NUP160: variants seen among roughly 807,000 people sequenced by gnomAD.
NUP160 encodes nuclear pore complex protein Nup160.
In NUP160, 94 loss-of-function variants were observed where a neutral mutation model predicts 196.9. The ratio of observed to expected loss-of-function variants is 0.48; its 90% CI spans 0.40 to 0.57. NUP160 has a LOEUF of 0.57. Among genes scored for constraint, NUP160 ranks in the 20% least tolerant of loss-of-function variants. NUP160 has a pLI of 0.00. For synonymous variants in NUP160, 605 were observed against 619.7 expected, an observed-to-expected ratio of 0.98 and a Z score of 0.35; for missense variants, 1,638 against 1,748.3, an observed-to-expected ratio of 0.94 and a Z score of 1.13.
chr11:47,782,728 G>A (rs987275057), intron 34 of NUP160, among the ~76,000 whole-genome samples: 79 of 151,800 alleles, frequency 5.2e-4, no homozygotes, highest in African/African-American at 1.7e-3. Context: ...GCATGATCTC[G>A]GCTCACTGCA....
At chr11:47,819,672 T>C (rs1170853460) in intron 9 of NUP160, among the ~76,000 whole-genome samples, 1 of 152,204 alleles carries the variant, frequency 6.6e-6, no homozygotes, top group African/African-American at 2.4e-5. Context: ...CATGTTTTAA[T>C]AATTATCTTC....
Position 47,785,075 on chromosome 11 carries a change from CA to C in NUP160, c.3849-13del. On this transcript the variant is annotated splice_polypyrimidine_tract_variant and intron_variant, in intron 32 of 35. Transcript: ENST00000378460. ...CTTCATCTGTAGCACTTGAAAAAAACAAAAATGACTAATGAGTTTCAGATTC... is the reference window on the plus strand; with the variant it reads ...CTTCATCTGTAGCACTTGAAAAAAACAAAATGACTAATGAGTTTCAGATTC... The C allele has an allele frequency of 2.0e-6, 3 of 1,489,864 alleles. No homozygotes were observed. The highest frequency in any genetic ancestry group is 1.3e-5 in the South Asian group (1 of 78,034). The allele number at this position is 1,489,864 out of a possible 1,614,324, so 92.3% of individuals were successfully genotyped here.
At chr11:47,790,937 C>T (rs1470462909) in intron 29 of NUP160, among the ~76,000 whole-genome samples, 1 of 152,144 alleles carries the variant, frequency 6.6e-6, no homozygotes, top group Non-Finnish European at 1.5e-5. Flanking sequence ...TTAAATTCTC[C>T]AGCTTTAGAT....
exon 28 of NUP160, chr11:47,792,872 C>T: frequency 1.2e-6 from 2 of 1,614,120 alleles, no homozygotes; most frequent in South Asian, 2.2e-5. Context: ...TAACAGTTGC[C>T]TTGTTTCTCA....
rs1297547685 is a variant in NUP160, at chr11:47,824,041, A to ATG, written c.1102-1878_1102-1877insCA. Among the ~76,000 whole-genome samples the ATG allele has an allele frequency of 2.0e-3, 257 of 128,358 alleles. 3 individuals are homozygous for ATG. Among genetic ancestry groups the ATG allele is most frequent in the African/African-American group, 7.0e-3 (239 of 34,228 alleles). The allele number at this position is 128,358 out of a possible 152,430, so 84.2% of individuals were successfully genotyped here. A position where few individuals can be genotyped will look rare whatever the true frequency, so the allele number is the denominator to read the frequency against. The stretch of plus-strand genomic sequence containing the variant: ...TATATATATATATATATATATATAT[A>ATG]TATATATATATACACACACACATAG... On this transcript the variant is annotated intron_variant, in intron 7 of 35. Coordinates refer to ENST00000378460, the Ensembl canonical transcript of NUP160.
chr11:47,779,059 T>C, exon 36 of NUP160: 1 of 1,388,060 alleles, frequency 7.2e-7, no homozygotes, highest in South Asian at 1.2e-5. Flanking sequence ...TAGTCTTAAG[T>C]CCTAAGAGGC....
At chr11:47,842,439 C>CA (rs1852324030) in intron 2 of NUP160, among the ~76,000 whole-genome samples, 1 of 152,136 alleles carries the variant, frequency 6.6e-6, no homozygotes. Flanking sequence ...AAGTTGGATC[C>CA]TGGATCTCCC....
At chr11:47,804,610 C>T in exon 21 of NUP160, 1 of 1,524,722 alleles carries the variant, frequency 6.6e-7, no homozygotes, top group Non-Finnish European at 8.7e-7. Context: ...ACCAGGATTG[C>T]TAGGCCATCT....
At chr11:47,813,099 T>C (rs1565198376) in intron 14 of NUP160, 52 bp from the exon 15 acceptor site, 1 of 1,262,806 alleles carries the variant, frequency 7.9e-7, no homozygotes. Flanking sequence ...GACAATCTAT[T>C]GATTGATATT....
At chr11:47,804,887 TGTACTTTGGAAGG>T (rs773111241) in intron 20 of NUP160, among the ~76,000 whole-genome samples, 1 of 152,086 alleles carries the variant, frequency 6.6e-6, no homozygotes, top group Non-Finnish European at 1.5e-5. Flanking sequence ...CTGCAATCCC[TGTACTTTGGAAGG>T]GTAAGGTGGG....
intron 18 of NUP160, among the ~76,000 whole-genome samples, chr11:47,808,101 G>A (rs990887990): frequency 6.6e-6 from 1 of 152,152 alleles, no homozygotes; most frequent in Non-Finnish European, 1.5e-5. Flanking sequence ...TGGCCAACAT[G>A]GTGAAACCCC....
At chr11:47,794,204 G>T (rs867318056) in intron 27 of NUP160, among the ~76,000 whole-genome samples, 1 of 152,194 alleles carries the variant, frequency 6.6e-6, no homozygotes, top group Admixed American at 6.5e-5. Context: ...ACTTAAAAAT[G>T]GTCAAGATAG....
chr11:47,840,495 A>C (rs1852274305), exon 3 of NUP160: 1 of 1,613,950 alleles, frequency 6.2e-7, no homozygotes, highest in African/African-American at 1.3e-5. Context: ...CAGGTAAAAC[A>C]CTGCAATTTT....
chr11:47,848,310 C>A, exon 1 of NUP160: 1 of 1,614,046 alleles, frequency 6.2e-7, no homozygotes. Flanking sequence ...GGGCTCCCGC[C>A]GCCGCCATCT....
intron 18 of NUP160, among the ~76,000 whole-genome samples, chr11:47,808,131 A>G (rs1427008335): frequency 3.3e-5 from 5 of 152,182 alleles, no homozygotes; most frequent in African/African-American, 1.2e-4. Context: ...AAAGTACAAA[A>G]TTAGCTGGGC....
chr11:47,829,806 C>T (rs1852039284), intron 7 of NUP160, among the ~76,000 whole-genome samples: 1 of 152,008 alleles, frequency 6.6e-6, no homozygotes, highest in Non-Finnish European at 1.5e-5. Flanking sequence ...AACATACGAA[C>T]GGGCAAAGAT....
rs1491520212 is a variant in NUP160, at chr11:47,806,788, T to TACACACAC, written c.2446+281_2446+282insGTGTGTGT. ...CATCAAAACAGAATGGGAAAGCAGC[T>TACACACAC]ATACACACACACACACACACACACA... On this transcript the variant is annotated intron_variant, in intron 19 of 35. Coordinates refer to ENST00000378460, the Ensembl canonical transcript of NUP160. 1.6e-4 allele frequency among the ~76,000 whole-genome samples: 17 copies of TACACACAC among 106,412 alleles called. 1 individual carries two copies. Among genetic ancestry groups the TACACACAC allele is most frequent in the East Asian group, 6.3e-4 (2 of 3,152 alleles). 69.8% of individuals were successfully genotyped at this position (106,412 alleles called of 152,430 possible).
intron 27 of NUP160, among the ~76,000 whole-genome samples, 186 bp from the exon 28 acceptor site, chr11:47,793,132 A>G (rs185217849): frequency 4.6e-4 from 70 of 152,078 alleles, no homozygotes; most frequent in Admixed American, 1.0e-3. Context: ...GATTATAGGC[A>G]CACGACCACC....
chr11:47,833,590 T>C (rs1252328611), intron 7 of NUP160, among the ~76,000 whole-genome samples: 1 of 152,330 alleles, frequency 6.6e-6, no homozygotes, highest in South Asian at 2.1e-4. Context: ...TCCACTAACA[T>C]GAACTCCAGA....
Sources: allele counts gnomAD v4.1 joint callset (sites outside exome capture counted in the v4.1 genomes callset), GRCh38; gene constraint gnomAD v4.1.1; transcripts MANE v1.5; gene names NCBI Gene and HGNC (gene_info 2026-07-23, HGNC 2026-07-21).